Variants in KIAA0825 observed in about 807,000 individuals in gnomAD.
The protein encoded by KIAA0825 is KIAA0825.
A neutral mutation model predicts 147.6 loss-of-function variants in KIAA0825; 119 were observed. The observed-to-expected ratio is 0.81, with a 90% CI of 0.69 to 0.94. The LOEUF (loss-of-function observed/expected upper bound fraction) is 0.94, where lower values mean the gene tolerates loss of function less well. Among genes scored for constraint, KIAA0825 ranks in the 40% least tolerant of loss-of-function variants. The probability of loss-of-function intolerance (pLI) is 0.00; values close to 1 mark genes in which losing one functional copy is unlikely to be tolerated. For synonymous variants in KIAA0825, 470 were observed against 518.1 expected (o/e 0.91, Z 1.26); for missense variants, 1,381 against 1,472.7 (o/e 0.94, Z 1.02).
chr5:94,565,008 C>CT (rs1561322943), intron 2 of KIAA0825, among the ~76,000 whole-genome samples: 6 of 122,092 alleles, frequency 4.9e-5, no homozygotes, highest in African/African-American at 2.0e-4. Flanking sequence ...CTCTCTCTCT[C>CT]CCTCTCTCTC....
intron 20 of KIAA0825, among the ~76,000 whole-genome samples, chr5:94,292,338 AG>A (rs1474135042): frequency 3.3e-5 from 5 of 152,182 alleles, no homozygotes; most frequent in Non-Finnish European, 5.9e-5. Context: ...ATTTTATCAA[AG>A]GCCTTTTCTG....
In KIAA0825 at chr5:94,436,602, G is replaced by A. The variant is rs1475262708; in HGVS notation, c.2497+3380C>T. Reference sequence around the variant, plus strand: ...TTGCTTAGGATTGCCTTGGCTACCCGGGCTCTTTTTTTGGTTCCATATGAA... The same window carrying A: ...TTGCTTAGGATTGCCTTGGCTACCCAGGCTCTTTTTTTGGTTCCATATGAA... On this transcript the variant is annotated intron_variant, in intron 14 of 20. Coordinates refer to ENST00000682413, the MANE Select transcript of KIAA0825 (RefSeq NM_001145678.3). 4.6e-5 allele frequency among the ~76,000 whole-genome samples: 7 copies of A among 152,032 alleles called. No individual in the cohort carries two copies. In the East Asian group the frequency reaches 5.8e-4, roughly 13 times the overall value.
intron 5 of KIAA0825, among the ~76,000 whole-genome samples, chr5:94,512,631 C>T (rs1366494921): frequency 4.0e-5 from 6 of 149,598 alleles, no homozygotes; most frequent in Admixed American, 6.7e-5. Flanking sequence ...TGTGGTGGCT[C>T]ATGCGTAATC....
intron 20 of KIAA0825, among the ~76,000 whole-genome samples, chr5:94,168,729 A>T (rs1768303081): frequency 6.6e-6 from 1 of 152,194 alleles, no homozygotes; most frequent in Non-Finnish European, 1.5e-5. Context: ...TCCCTTACTA[A>T]GAGAAGTGTC....
intron 12 of KIAA0825, among the ~76,000 whole-genome samples, chr5:94,458,717 T>A (rs751568921): frequency 2.0e-5 from 3 of 151,918 alleles, no homozygotes; most frequent in Non-Finnish European, 2.9e-5. Flanking sequence ...CTTCACTTTC[T>A]GGAAAATTTT....
chr5:94,606,647 ATAGAG>A (rs1787544520), intron 1 of KIAA0825, among the ~76,000 whole-genome samples: 1 of 152,228 alleles, frequency 6.6e-6, no homozygotes, highest in Admixed American at 6.5e-5. Flanking sequence ...GAAACTATCA[ATAGAG>A]TAAACAGATA....
rs951026537 is a variant in KIAA0825, at chr5:94,608,596, A to C, written c.-153+9904T>G. Reference sequence around the variant, plus strand: ...TGATCTACCCATCTCTGCCTCCCAAAGTACTGGGATTACAGGCCTGAGCCA... The same window carrying C: ...TGATCTACCCATCTCTGCCTCCCAACGTACTGGGATTACAGGCCTGAGCCA... On this transcript the variant is annotated intron_variant, in intron 1 of 20. Transcript: ENST00000682413. Among the ~76,000 whole-genome samples the C allele has an allele frequency of 6.0e-5, 8 of 133,924 alleles. No homozygotes were observed. The South Asian group carries it at 9.5e-4, about 16-fold the overall frequency. The allele number at this position is 133,924 out of a possible 152,430, so 87.9% of individuals were successfully genotyped here. A position where few individuals can be genotyped will look rare whatever the true frequency, so the allele number is the denominator to read the frequency against.
chr5:94,272,881 A>T (rs1163643810), intron 20 of KIAA0825, among the ~76,000 whole-genome samples: 1 of 152,248 alleles, frequency 6.6e-6, no homozygotes, highest in Admixed American at 6.5e-5. Context: ...TATGGAACAT[A>T]ATTCATAGGA....
chr5:94,596,676 A>C (rs1785372845), intron 1 of KIAA0825, among the ~76,000 whole-genome samples: 1 of 152,184 alleles, frequency 6.6e-6, no homozygotes, highest in Non-Finnish European at 1.5e-5. Flanking sequence ...CAGTATGACT[A>C]TTTTAATGAT....
intron 20 of KIAA0825, among the ~76,000 whole-genome samples, chr5:94,352,646 AT>A (rs1378685220): frequency 6.6e-6 from 1 of 152,236 alleles, no homozygotes; most frequent in Admixed American, 6.5e-5. Context: ...ACAATTCACA[AT>A]TGCAAAATCA....
intron 20 of KIAA0825, among the ~76,000 whole-genome samples, chr5:94,232,406 G>A (rs1774765819): frequency 6.6e-6 from 1 of 152,054 alleles, no homozygotes; most frequent in South Asian, 2.1e-4. Context: ...GTTTGAATTT[G>A]AGGCAGAACA....
intron 10 of KIAA0825, among the ~76,000 whole-genome samples, chr5:94,466,397 C>G (rs895472764): frequency 6.6e-6 from 1 of 152,112 alleles, no homozygotes; most frequent in Admixed American, 6.5e-5. Flanking sequence ...ACTTTGGCCA[C>G]TGACTTCTGA....
intron 20 of KIAA0825, among the ~76,000 whole-genome samples, chr5:94,250,172 T>A (rs1775876629): frequency 1.3e-5 from 2 of 152,136 alleles, no homozygotes; most frequent in African/African-American, 4.8e-5. Context: ...CGGCTGTGAT[T>A]ACTAAGTGAT....
At position 94,152,412 on chromosome 5, in the gene KIAA0825, G is replaced by A. The variant is rs541591862; in HGVS notation, c.*1595C>T. On this transcript the variant is annotated 3_prime_UTR_variant, in exon 21 of 21. Transcript: ENST00000682413. ...CCATGATGTAAGGCTTCTGGGCCTG[G>A]TGTGGTGGCTTATGCCTATAGTTCC... Among the ~76,000 whole-genome samples, 25 of 152,166 alleles carry A rather than the reference G, an allele frequency of 1.6e-4. No individual in the cohort carries two copies. The highest frequency in any genetic ancestry group is 2.5e-4 in the Non-Finnish European group (17 of 68,028).
intron 16 of KIAA0825, among the ~76,000 whole-genome samples, chr5:94,400,713 A>C (rs1584382146): frequency 6.6e-6 from 1 of 152,178 alleles, no homozygotes; most frequent in East Asian, 1.9e-4. Flanking sequence ...TTTGAAACAT[A>C]ATGAAACAAA....
intron 20 of KIAA0825, among the ~76,000 whole-genome samples, chr5:94,161,014 A>C (rs979178684): frequency 2.0e-5 from 3 of 152,152 alleles, no homozygotes; most frequent in Admixed American, 2.0e-4. Flanking sequence ...TGTTGTTCAC[A>C]AAGTATTTTA....
At chr5:94,565,008 CCCTCTCTCTCTCTCTCTCTCTTTCTTT>C (rs1561322957) in intron 2 of KIAA0825, among the ~76,000 whole-genome samples, 4 of 122,094 alleles carry the variant, frequency 3.3e-5, no homozygotes, top group Non-Finnish European at 5.1e-5. Context: ...CTCTCTCTCT[CCCTCTCTCTCTCTCTCTCTCTTTCTTT>C]CCTCTCTCTC....
intron 20 of KIAA0825, among the ~76,000 whole-genome samples, chr5:94,169,988 C>T (rs1479699489): frequency 6.6e-6 from 1 of 152,118 alleles, no homozygotes; most frequent in African/African-American, 2.4e-5. Context: ...ATGCTCTTAC[C>T]CATAAGGGTA....
chr5:94,482,385 A>C (rs1762590714), intron 6 of KIAA0825, among the ~76,000 whole-genome samples: 1 of 152,110 alleles, frequency 6.6e-6, no homozygotes, highest in Admixed American at 6.6e-5. Context: ...TTTGGGTTAC[A>C]TAGACATCGT....
Sources: allele counts gnomAD v4.1 joint callset (sites outside exome capture counted in the v4.1 genomes callset), GRCh38; gene constraint gnomAD v4.1.1; transcripts MANE v1.5; gene names NCBI Gene and HGNC (gene_info 2026-07-23, HGNC 2026-07-21).